Variants in SYTL2 observed in about 807,000 individuals in gnomAD.
SYTL2 encodes the protein synaptotagmin-like protein 2.
SYTL2 carries 165 observed loss-of-function variants against 198.7 expected under a neutral mutation model. The ratio of observed to expected loss-of-function variants is 0.83; its 90% confidence interval spans 0.73 to 0.94. SYTL2 has a LOEUF of 0.94. Ranked by LOEUF, SYTL2 falls within the 40% of genes least tolerant of loss-of-function variation. SYTL2 has a pLI of 0.00. For synonymous variants in SYTL2, 966 were observed against 917.7 expected (o/e 1.05, Z -0.95); for missense variants, 2,835 against 2,582.8 (o/e 1.10, Z -2.12).
At chr11:85,733,175 A>C (rs2089981110) in intron 7 of SYTL2, among the ~76,000 whole-genome samples, 3 of 152,206 alleles carry the variant, frequency 2.0e-5, no homozygotes, top group Admixed American at 1.3e-4. Context: ...CCATCCTTTG[A>C]CACTAAGAAA....
intron 1 of SYTL2, among the ~76,000 whole-genome samples, chr11:85,792,415 T>C (rs1275869188): frequency 2.6e-5 from 4 of 152,048 alleles, no homozygotes; most frequent in Admixed American, 2.0e-4. Context: ...AGATTAACTT[T>C]GGAGCCCATT....
At chr11:85,806,342 G>C (rs570927598) in intron 1 of SYTL2, among the ~76,000 whole-genome samples, 2 of 152,270 alleles carry the variant, frequency 1.3e-5, no homozygotes, top group Admixed American at 1.3e-4. Context: ...GAGGTCATGT[G>C]CTTCTCCCAC....
the SYTL2 span, among the ~76,000 whole-genome samples, chr11:85,822,100 G>C: frequency 1.3e-5 from 2 of 152,196 alleles, no homozygotes; most frequent in African/African-American, 4.8e-5. Flanking sequence ...TAAGGCAGGT[G>C]TTACCACTCC....
intron 11 of SYTL2, 184 bp from the exon 12 acceptor site, chr11:85,714,691 T>C (rs1330375784): frequency 8.4e-6 from 11 of 1,312,390 alleles, no homozygotes; most frequent in South Asian, 5.6e-5. Context: ...ATAAATTATA[T>C]AGAGAGAGAA....
the SYTL2 span, among the ~76,000 whole-genome samples, chr11:85,844,364 G>C: frequency 3.9e-5 from 6 of 152,282 alleles, no homozygotes; most frequent in East Asian, 9.7e-4. Flanking sequence ...TTTAAAAATG[G>C]AGCACAGTAC....
rs1167730436 is a variant in SYTL2 at position 85,724,718 on chromosome 11, A to G, written c.4640T>C (p.Leu1547Ser). 6.2e-7 allele frequency: 1 copy of G among 1,614,034 alleles called. No homozygotes were observed. The highest frequency in any genetic ancestry group is 2.2e-5 in the East Asian group (1 of 44,880). Residue 1547 changes from leucine (L) to serine (S), a missense_variant, in exon 8 of 20, where the codon TTA (leucine) becomes TCA (serine). Coordinates refer to ENST00000359152, the MANE Select transcript of SYTL2 (RefSeq NM_206927.4). ...RATSECHPEE[L>S]KETVEKAEAP... ...CTCGGCCTTTTCTACTGTTTCTTTT[A>G]ATTCCTCAGGATGGCATTCAGAAGT...
At chr11:85,696,116 C>A in intron 19 of SYTL2, 67 bp downstream of exon 19, 2 of 1,346,754 alleles carry the variant, frequency 1.5e-6, no homozygotes, top group East Asian at 4.6e-5. Context: ...AGCAAAGCAA[C>A]AAACAAACCT....
rs1004980349 is a variant in SYTL2, at chr11:85,725,289, C to G, written c.4069G>C (p.Glu1357Gln). ...PSQTEISETV[E>Q]KVILPPRPVL... is the part of the protein sequence containing the mutation. ...GGTCTGGGTGGAAGAATGACTTTCT[C>G]TACAGTCTCCGAAATTTCCGTTTGA... The change falls in exon 8 of 20, where the codon GAG becomes CAG. Residue 1357 changes from glutamate (E) to glutamine (Q), a missense_variant. Physicochemically the swap from Glu to Gln is conservative, Grantham distance 29. Around this residue, in one of 3 missense-constraint regions of SYTL2, gnomAD observed 2,645 missense variants for 2,381.7 expected, o/e 1.11. Transcript: ENST00000359152. The G allele has an allele frequency of 1.2e-6, 2 of 1,614,014 alleles. No homozygotes were observed. The highest frequency in any genetic ancestry group is 1.7e-6 in the Non-Finnish European group (2 of 1,180,012).
intron 1 of SYTL2, among the ~76,000 whole-genome samples, chr11:85,779,056 T>C (rs1055831532): frequency 2.6e-5 from 4 of 152,198 alleles, no homozygotes; most frequent in Admixed American, 2.0e-4. Flanking sequence ...ATATATATTA[T>C]ATAACATATA....
intron 2 of SYTL2, among the ~76,000 whole-genome samples, chr11:85,749,242 A>G (rs2091363081): frequency 6.6e-6 from 1 of 152,206 alleles, no homozygotes; most frequent in Non-Finnish European, 1.5e-5. Context: ...TATCCATCTC[A>G]GTAAAATAAA....
At chr11:85,737,946 G>T (rs766105876) in intron 4 of SYTL2, among the ~76,000 whole-genome samples, 1 of 152,194 alleles carries the variant, frequency 6.6e-6, no homozygotes, top group African/African-American at 2.4e-5. Flanking sequence ...CCTGGGTGGG[G>T]AGAGGAACAA....
At position 85,714,773 on chromosome 11, in the gene SYTL2, G is replaced by A. The variant is rs555110594; in HGVS notation, c.5531-266C>T. On this transcript the variant is annotated intron_variant, in intron 11 of 19. Transcript: ENST00000359152. Reference sequence around the variant, plus strand: ...CATTAGTTTTTATTGAACTGGAGCTGCACTTGAATCAAATTATACTGTCAG... The same window carrying A: ...CATTAGTTTTTATTGAACTGGAGCTACACTTGAATCAAATTATACTGTCAG... 3.0e-5 allele frequency: 26 copies of A among 856,550 alleles called. 1 individual carries two copies. In the East Asian group the frequency reaches 1.6e-3, roughly 53 times the overall value. 53.1% of individuals were successfully genotyped at this position (856,550 alleles called of 1,614,324 possible).
intron 18 of SYTL2, among the ~76,000 whole-genome samples, chr11:85,696,846 G>A (rs1338256529): frequency 6.6e-6 from 1 of 152,176 alleles, no homozygotes; most frequent in Non-Finnish European, 1.5e-5. Context: ...AGCTGTGATA[G>A]CCTAAGACAT....
chr11:85,719,308 C>T (rs1433998523), intron 9 of SYTL2: 3 of 1,156,496 alleles, frequency 2.6e-6, no homozygotes, highest in Non-Finnish European at 3.2e-6. Flanking sequence ...AACTGGGGAC[C>T]AGCTGCTAAG....
chr11:85,711,782 A>T (rs989325183), intron 12 of SYTL2, among the ~76,000 whole-genome samples: 5 of 152,104 alleles, frequency 3.3e-5, no homozygotes, highest in African/African-American at 1.2e-4. Flanking sequence ...AATGTTTAAA[A>T]TTTTTAAACT....
At chr11:85,771,219 G>A (rs754234985) in intron 1 of SYTL2, among the ~76,000 whole-genome samples, 6 of 152,122 alleles carry the variant, frequency 3.9e-5, no homozygotes, top group Non-Finnish European at 5.9e-5. Flanking sequence ...CTTCCTGACC[G>A]GTGTAGTCTA....
rs115283647 is a variant in SYTL2, at chr11:85,718,828, T to C, written c.5444A>G (p.Asp1815Gly). ...SSDSSNQAKV[D>G]NQPEELVRSA... ...ACGCACTAATTCTTCTGGCTGATTATCTACTTTTGCTTGATCTGTTCAGAA... is the reference window on the plus strand; with the variant it reads ...ACGCACTAATTCTTCTGGCTGATTACCTACTTTTGCTTGATCTGTTCAGAA... The change falls in exon 10 of 20, where the codon GAT becomes GGT. Residue 1815 changes from aspartate to glycine, a missense_variant. This residue lies in a region of SYTL2 where 2,645 missense variants were observed against 2,381.7 expected (regional missense o/e 1.11). Coordinates refer to ENST00000359152, the MANE Select transcript of SYTL2 (RefSeq NM_206927.4). 6.2e-7 allele frequency: 1 copy of C among 1,613,940 alleles called. No individual in the cohort carries two copies. Among genetic ancestry groups the C allele is most frequent in the East Asian group, 2.2e-5 (1 of 44,882 alleles).
chr11:85,782,774 CA>C (rs777496372), intron 1 of SYTL2, among the ~76,000 whole-genome samples: 1 of 152,222 alleles, frequency 6.6e-6, no homozygotes, highest in African/African-American at 2.4e-5. Context: ...ATCTCTAAGA[CA>C]GGGGCAAAAT....
chr11:85,727,448 T>C lies in SYTL2; in HGVS notation c.1910A>G (p.Tyr637Cys), dbSNP rs957181018. 3.9e-5 allele frequency: 60 copies of C among 1,536,042 alleles called. No homozygotes were observed. The highest frequency in any genetic ancestry group is 5.1e-5 in the Non-Finnish European group (59 of 1,146,896). The change falls in exon 8 of 20, where the codon TAT becomes TGT. Residue 637 changes from tyrosine to cysteine, a missense_variant. Around this residue, in one of 3 missense-constraint regions of SYTL2, gnomAD observed 2,645 missense variants for 2,381.7 expected, o/e 1.11. Transcript: ENST00000359152. ...TTTACTCCCTTGACTTGGGGTGCCA[T>C]AGCTTTCAAATGGTTGCAATATACC... Reference protein sequence around the residue: ...GPGILQPFESYGTPSQGSKNM... With the variant: ...GPGILQPFESCGTPSQGSKNM...
Sources: gnomAD v4.1 joint callset for allele counts (sites outside exome capture counted in the v4.1 genomes callset) on GRCh38, gnomAD v4.1.1 for gene constraint, gnomAD v4.1.1 regional missense constraint, MANE v1.5 for transcripts, NCBI Gene and HGNC (gene_info 2026-07-23, HGNC 2026-07-21) for gene names.